Variants in GK observed in about 807,000 individuals in gnomAD.
GK encodes glycerol kinase.
A neutral mutation model predicts 56.4 loss-of-function variants in GK; 9 were observed. That is an observed-to-expected ratio of 0.16 (90% CI 0.10 to 0.28). GK has a LOEUF of 0.28. GK is among the 10% of genes least tolerant of loss of function. The pLI is 1.00. For missense variants in GK, 161 were observed against 431.4 expected, an observed-to-expected ratio of 0.37 and a Z score of 5.55; for synonymous variants, 104 against 144.1, an observed-to-expected ratio of 0.72 and a Z score of 1.99.
At chrX:30,693,643 G>C (rs1279618460) in intron 5 of GK, among the ~76,000 whole-genome samples, 2 of 111,510 alleles carry the variant, frequency 1.8e-5, no homozygotes, top group South Asian at 3.8e-4. Context: ...CTGCCTCCCA[G>C]GTTCAAGCGA....
intron 3 of GK, among the ~76,000 whole-genome samples, chrX:30,675,264 C>T (rs375052336): frequency 9.5e-6 from 1 of 105,516 alleles, no homozygotes; most frequent in Non-Finnish European, 1.9e-5. Flanking sequence ...GGCCCGATTT[C>T]GGCTCACTGC....
intron 4 of GK, chrX:30,689,712 C>A (rs144108623): frequency 3.7e-4 from 96 of 256,627 alleles, no homozygotes; most frequent in African/African-American, 2.4e-3. Context: ...GGGGCCCAGA[C>A]CCATTCCTGG....
chrX:30,700,474 C>T, intron 10 of GK, 25 bp downstream of exon 10: 6 of 1,096,291 alleles, frequency 5.5e-6, no homozygotes, highest in Non-Finnish European at 7.6e-6. Context: ...CAAGTGTCTC[C>T]CCATCCCCAC....
At chrX:30,701,569 T>G (rs1190323454) in intron 11 of GK, among the ~76,000 whole-genome samples, 1 of 112,081 alleles carries the variant, frequency 8.9e-6, no homozygotes, top group African/African-American at 3.2e-5. Context: ...TATATAGTTT[T>G]TGGCATATTA....
chrX:30,669,697 T>G (rs1933350372), intron 3 of GK, among the ~76,000 whole-genome samples: 1 of 111,272 alleles, frequency 9.0e-6, no homozygotes, highest in Admixed American at 9.6e-5. Context: ...AGAGAGAACA[T>G]CAATTGGTGG....
At chrX:30,710,039 A>T (rs771875138) in intron 13 of GK, among the ~76,000 whole-genome samples, 3 of 112,239 alleles carry the variant, frequency 2.7e-5, no homozygotes, top group African/African-American at 9.7e-5. Context: ...CAATTTATGT[A>T]ATGCTTTTAG....
intron 13 of GK, among the ~76,000 whole-genome samples, chrX:30,717,448 C>T (rs1380387315): frequency 9.0e-6 from 1 of 110,924 alleles, no homozygotes; most frequent in Non-Finnish European, 1.9e-5. Context: ...AACTTTAGAA[C>T]ATTGTCACCA....
intron 4 of GK, among the ~76,000 whole-genome samples, chrX:30,677,827 A>AG (rs1469747931): frequency 9.2e-6 from 1 of 109,284 alleles, no homozygotes; most frequent in African/African-American, 3.3e-5. Context: ...TCCATCTCAA[A>AG]AAAAAAAAAA....
chrX:30,705,728 A>G (rs1935964747), intron 11 of GK, among the ~76,000 whole-genome samples: 1 of 112,942 alleles, frequency 8.9e-6, no homozygotes, highest in African/African-American at 3.2e-5. Flanking sequence ...AAGAAAGAAC[A>G]ATAAAATTTA....
In GK at chrX:30,729,382, A is replaced by T. The variant is rs985849659; in HGVS notation, c.*640A>T. ...TTCCATGGTCCCACTAATTATAATG[A>T]CTTTCTGTCTGGATCTTATAGGAAA... On this transcript the variant is annotated 3_prime_UTR_variant, in exon 21 of 21. Transcript: ENST00000427190. The T allele has an allele frequency of 9.0e-6, 1 of 110,693 alleles. No individual in the cohort carries two copies. Among genetic ancestry groups the T allele is most frequent in the African/African-American group, 3.3e-5 (1 of 30,420 alleles). 9.1% of individuals were successfully genotyped at this position (110,693 alleles called of 1,213,427 possible).
At chrX:30,720,322 G>A (rs1185412059) in intron 16 of GK, among the ~76,000 whole-genome samples, 1 of 111,677 alleles carries the variant, frequency 9.0e-6, no homozygotes, top group Admixed American at 9.6e-5. Context: ...GTTGTGGGGA[G>A]GCTGAGTGGC....
chrX:30,664,702 C>CTTTTTTTTTTTTT (rs35313243), intron 1 of GK, among the ~76,000 whole-genome samples: 1 of 57,675 alleles, frequency 1.7e-5, no homozygotes, highest in Non-Finnish European at 3.1e-5. Flanking sequence ...ACTCTATTGC[C>CTTTTTTTTTTTTT]TTTTTTTTTT....
chrX:30,695,966 G>C, intron 6 of GK, 76 bp from the exon 7 acceptor site: 1 of 577,543 alleles, frequency 1.7e-6, no homozygotes, highest in Non-Finnish European at 3.0e-6. Context: ...GTGCTCTGCT[G>C]ATTATGACCC....
intron 19 of GK, among the ~76,000 whole-genome samples, chrX:30,724,425 T>C (rs189771884): frequency 5.0e-4 from 56 of 111,685 alleles, no homozygotes; most frequent in Middle Eastern, 4.7e-3. Flanking sequence ...GGTACTTCAA[T>C]TGACAACTTA....
intron 4 of GK, among the ~76,000 whole-genome samples, chrX:30,681,644 C>T (rs1214876735): frequency 9.0e-6 from 1 of 111,272 alleles, no homozygotes; most frequent in East Asian, 2.8e-4. Context: ...GATAAATATA[C>T]AGAAGACCAT....
At chrX:30,685,246 C>T (rs1934532249) in intron 4 of GK, among the ~76,000 whole-genome samples, 1 of 111,019 alleles carries the variant, frequency 9.0e-6, no homozygotes, top group South Asian at 3.8e-4. Context: ...ATTCTCCTGC[C>T]TCAGCCTCCC....
At chrX:30,697,620 G>A (rs1159856083) in intron 8 of GK, 112 bp from the exon 9 acceptor site, 1 of 585,592 alleles carries the variant, frequency 1.7e-6, no homozygotes, top group African/African-American at 2.2e-5. Context: ...AACGATGCTT[G>A]AGAAATAGTT....
intron 11 of GK, among the ~76,000 whole-genome samples, chrX:30,703,955 T>G (rs988155106): frequency 3.0e-5 from 3 of 98,847 alleles, no homozygotes; most frequent in African/African-American, 1.2e-4. Flanking sequence ...AGAGACTGCC[T>G]CAAAAAAAAA....
chrX:30,708,014 A>G (rs186661240), intron 12 of GK, 40 bp from the exon 13 acceptor site: 9 of 845,352 alleles, frequency 1.1e-5, no homozygotes, highest in Non-Finnish European at 1.6e-5. Flanking sequence ...TTATCTTTTC[A>G]TTTTCCACTA....
Sources: allele counts gnomAD v4.1 joint callset (sites outside exome capture counted in the v4.1 genomes callset), GRCh38; gene constraint gnomAD v4.1.1; transcripts MANE v1.5; gene names NCBI Gene and HGNC (gene_info 2026-07-23, HGNC 2026-07-21).